OIT3: variants seen among roughly 807,000 people sequenced by gnomAD.
The protein encoded by OIT3 is oncoprotein induced transcript 3.
OIT3 carries 41 observed loss-of-function variants against 52.2 expected under a neutral mutation model. That is an observed-to-expected ratio of 0.79 (90% CI 0.61 to 1.02). OIT3 has a LOEUF of 1.02. Among genes scored for constraint, OIT3 ranks in the 50% least tolerant of loss-of-function variants. The pLI, the probability that OIT3 is intolerant of heterozygous loss-of-function variation, is 0.00. For synonymous variants in OIT3, 244 were observed against 276.9 expected (o/e 0.88, Z 1.18); for missense variants, 634 against 715.5 (o/e 0.89, Z 1.30).
chr10:72,931,102 C>T (rs571259121), intron 8 of OIT3, among the ~76,000 whole-genome samples: 1 of 151,642 alleles, frequency 6.6e-6, no homozygotes, highest in East Asian at 1.9e-4. Context: ...AAATACAACA[C>T]TTACAAGGTT....
chr10:72,894,327 C>G (rs1168997220), intron 1 of OIT3, among the ~76,000 whole-genome samples: 1 of 152,132 alleles, frequency 6.6e-6, no homozygotes, highest in East Asian at 1.9e-4. Flanking sequence ...TTGCACAGAT[C>G]GAGTGAATCT....
intron 6 of OIT3, among the ~76,000 whole-genome samples, chr10:72,921,212 G>T (rs191416906): frequency 6.6e-6 from 1 of 152,282 alleles, no homozygotes; most frequent in Admixed American, 6.5e-5. Context: ...CTAGTTTAAA[G>T]TCTGTTTTGT....
intron 1 of OIT3, 31 bp downstream of exon 1, chr10:72,893,890 G>A: frequency 1.3e-6 from 2 of 1,569,700 alleles, no homozygotes; most frequent in Non-Finnish European, 1.7e-6. Context: ...TTGGCACAAT[G>A]CACTTTTTGT....
Position 72,932,409 on chromosome 10 carries a change from G to A in OIT3, c.1523G>A (p.Arg508His), listed in dbSNP as rs527472433. The change falls in exon 9 of 9, where the codon CGC (arginine) becomes CAC (histidine). Residue 508 changes from arginine (R) to histidine (H), a missense_variant. Coordinates refer to ENST00000334011, the MANE Select transcript of OIT3 (RefSeq NM_152635.3). The part of the protein sequence containing the change: ...LVCGVLDERS[R>H]CAQGCHRRMR... ...TGTGGAGTGTTGGACGAGCGTTCCC[G>A]CTGTGCCCAGGGTTGCCACCGGCGA... is the stretch of plus-strand genomic sequence containing the variant. 6.5e-5 allele frequency: 105 copies of A among 1,614,168 alleles called. No individual in the cohort carries two copies. The highest frequency in any genetic ancestry group is 1.3e-4 in the Admixed American group (8 of 60,030).
chr10:72,907,873 T>C (rs1845994188), intron 4 of OIT3, among the ~76,000 whole-genome samples: 1 of 152,208 alleles, frequency 6.6e-6, no homozygotes, highest in Non-Finnish European at 1.5e-5. Flanking sequence ...GGAAATTGCC[T>C]ACCATTATTA....
Position 72,899,020 on chromosome 10 carries a change from T to G in OIT3, c.418T>G (p.Phe140Val), listed in dbSNP as rs992923640. 2 of 1,610,492 alleles carry G rather than the reference T, an allele frequency of 1.2e-6. No individual in the cohort carries two copies. The highest frequency in any genetic ancestry group is 2.7e-5 in the African/African-American group (2 of 75,004). ...VYRLTKPSVC[F>V]HVYCGHFYDI... ...TCGTCTGACCAAGCCCAGCGTCTGC[T>G]TCCACGTCTACTGTGGTCGTGAGTA... Residue 140 changes from phenylalanine (F) to valine (V), a missense_variant, in exon 2 of 9, where the codon TTC becomes GTC. By Grantham distance (50) the Phe-to-Val change is conservative. Coordinates refer to ENST00000334011, the MANE Select transcript of OIT3 (RefSeq NM_152635.3).
intron 1 of OIT3, among the ~76,000 whole-genome samples, chr10:72,898,174 C>A (rs570095945): frequency 6.6e-6 from 1 of 151,856 alleles, no homozygotes; most frequent in African/African-American, 2.4e-5. Flanking sequence ...GTGGTCCCAG[C>A]TACTTCAGAG....
intron 6 of OIT3, among the ~76,000 whole-genome samples, chr10:72,915,254 A>G (rs910873449): frequency 6.6e-6 from 1 of 152,220 alleles, no homozygotes; most frequent in African/African-American, 2.4e-5. Flanking sequence ...ATATAAAGCC[A>G]TGTATAATAA....
At position 72,911,844 on chromosome 10, in the gene OIT3, T is replaced by C. The variant is rs765280973; in HGVS notation, c.790+5T>C. ...AGGATAACCACACTTGCCAAGGTAG[T>C]ACATGGGGCAGGGGGACTTGTCTCT... On this transcript the variant is annotated splice_donor_5th_base_variant and intron_variant, in intron 5 of 8. Coordinates refer to ENST00000334011, the MANE Select transcript of OIT3 (RefSeq NM_152635.3). The C allele has an allele frequency of 4.3e-6, 7 of 1,612,204 alleles. No homozygotes were observed. The highest frequency in any genetic ancestry group is 5.9e-6 in the Non-Finnish European group (7 of 1,179,130).
chr10:72,919,905 T>C lies in OIT3; in HGVS notation c.952-4324T>C, dbSNP rs1174092572. ...GTTCATCAAGGATATTGGCCTGAGG[T>C]TTCCTTTTTTTGTTGTGTCTCTGCC... On this transcript the variant is annotated intron_variant, in intron 6 of 8. Transcript: ENST00000334011. Among the ~76,000 whole-genome samples, 4 of 152,090 alleles carry C rather than the reference T, an allele frequency of 2.6e-5. No homozygotes were observed. In the East Asian group the frequency reaches 5.8e-4, roughly 22 times the overall value.
At chr10:72,920,948 T>A (rs1846116011) in intron 6 of OIT3, among the ~76,000 whole-genome samples, 1 of 152,186 alleles carries the variant, frequency 6.6e-6, no homozygotes, top group South Asian at 2.1e-4. Flanking sequence ...GTCCAGTTGA[T>A]CCAGAGCTGA....
At chr10:72,900,295 C>G in intron 2 of OIT3, 82 bp from the exon 3 acceptor site, 1 of 675,784 alleles carries the variant, frequency 1.5e-6, no homozygotes, top group Non-Finnish European at 2.5e-6. Flanking sequence ...CCCCCCCCGA[C>G]CCCCCGCACC....
intron 4 of OIT3, 103 bp downstream of exon 4, chr10:72,906,821 G>A (rs140597922): frequency 1.3e-4 from 141 of 1,108,930 alleles, no homozygotes; most frequent in African/African-American, 9.0e-4. Flanking sequence ...GAGAGCAACC[G>A]TTTGGCTGTG....
At chr10:72,926,062 C>T (rs929348684) in intron 7 of OIT3, among the ~76,000 whole-genome samples, 1 of 152,206 alleles carries the variant, frequency 6.6e-6, no homozygotes. Flanking sequence ...AAATTCATAG[C>T]AGTATCTCAT....
intron 1 of OIT3, among the ~76,000 whole-genome samples, chr10:72,897,673 T>C (rs1440041009): frequency 6.6e-6 from 1 of 152,204 alleles, no homozygotes; most frequent in African/African-American, 2.4e-5. Flanking sequence ...ATTCCACCTA[T>C]AATCTTTACA....
intron 6 of OIT3, chr10:72,918,553 T>C: frequency 2.6e-6 from 3 of 1,176,292 alleles, no homozygotes; most frequent in South Asian, 1.2e-5. Flanking sequence ...GGCACACACT[T>C]AGGTGGGAGA....
chr10:72,921,734 A>G (rs561176979), intron 6 of OIT3, among the ~76,000 whole-genome samples: 2 of 146,484 alleles, frequency 1.4e-5, no homozygotes, highest in Admixed American at 6.9e-5. Flanking sequence ...ATGCAGTGGC[A>G]TGATCTCAGC....
chr10:72,923,066 A>G (rs1372142514), intron 6 of OIT3, among the ~76,000 whole-genome samples: 1 of 152,056 alleles, frequency 6.6e-6, no homozygotes, highest in Non-Finnish European at 1.5e-5. Flanking sequence ...TTTAGTAGAG[A>G]TGGGGTTTCA....
intron 4 of OIT3, among the ~76,000 whole-genome samples, chr10:72,910,714 G>A (rs1846021598): frequency 6.6e-6 from 1 of 152,160 alleles, no homozygotes; most frequent in Non-Finnish European, 1.5e-5. Flanking sequence ...TGTCTCAGAT[G>A]TTTTGAAAAC....
Sources: gnomAD v4.1 joint callset for allele counts (sites outside exome capture counted in the v4.1 genomes callset) on GRCh38, gnomAD v4.1.1 for gene constraint, MANE v1.5 for transcripts, NCBI Gene and HGNC (gene_info 2026-07-23, HGNC 2026-07-21) for gene names.